Variants in CDH13 observed in about 807,000 individuals in gnomAD.
CDH13 encodes cadherin 13, also known as cadherin-13.
CDH13 carries 24 observed loss-of-function variants against 63.8 expected under a neutral mutation model. That is an observed-to-expected ratio of 0.38 (90% CI 0.27 to 0.53). The LOEUF (loss-of-function observed/expected upper bound fraction) is 0.53. Among genes scored for constraint, CDH13 ranks in the 20% least tolerant of loss-of-function variants. CDH13 has a pLI of 0.85. For missense variants in CDH13, 1,049 were observed against 903.1 expected, an observed-to-expected ratio of 1.16 and a Z score of -2.07; for synonymous variants, 503 against 355.3, an observed-to-expected ratio of 1.42 and a Z score of -4.67.
chr16:83,563,636 C>G (rs953316941), intron 7 of CDH13, among the ~76,000 whole-genome samples: 5 of 152,106 alleles, frequency 3.3e-5, no homozygotes, highest in African/African-American at 9.7e-5. Context: ...GTGCAAGTTT[C>G]CTCTAGAAAC....
intron 1 of CDH13, among the ~76,000 whole-genome samples, chr16:82,747,950 G>C (rs1277378391): frequency 2.0e-5 from 3 of 152,192 alleles, no homozygotes; most frequent in Non-Finnish European, 4.4e-5. Flanking sequence ...CACAATTTTA[G>C]ATAGTTGATA....
intron 1 of CDH13, among the ~76,000 whole-genome samples, chr16:82,806,123 C>G (rs551152432): frequency 6.6e-6 from 1 of 152,138 alleles, no homozygotes; most frequent in Non-Finnish European, 1.5e-5. Context: ...GTTTGCCAGC[C>G]TTCTCTCCAC....
chr16:83,755,436 C>T (rs959136625), intron 11 of CDH13, among the ~76,000 whole-genome samples: 1 of 151,992 alleles, frequency 6.6e-6, no homozygotes, highest in Admixed American at 6.6e-5. Flanking sequence ...AGACATTCTC[C>T]CTATTAAATC....
intron 8 of CDH13, among the ~76,000 whole-genome samples, chr16:83,608,660 ATTTTTTT>A (rs754678790): frequency 1.0e-4 from 11 of 109,920 alleles, no homozygotes; most frequent in African/African-American, 1.9e-4. Context: ...TAATTTTTGT[ATTTTTTT>A]TTTTTTTTTT....
chr16:82,970,621 A>C (rs541320633), intron 2 of CDH13, among the ~76,000 whole-genome samples: 2 of 117,224 alleles, frequency 1.7e-5, no homozygotes, highest in South Asian at 4.8e-4. Context: ...GGATGGTCTC[A>C]ATCTCCTGAC....
chr16:83,006,916 G>GTGTGTTTTTTTTTTTTT, intron 2 of CDH13, among the ~76,000 whole-genome samples: 1 of 120,378 alleles, frequency 8.3e-6, no homozygotes, highest in African/African-American at 3.0e-5. Flanking sequence ...TTGTTTGTTT[G>GTGTGTTTTTTTTTTTTT]TTTGTTTGTT....
chr16:83,267,668 C>A (rs947190697), intron 5 of CDH13, among the ~76,000 whole-genome samples: 6 of 152,174 alleles, frequency 3.9e-5, no homozygotes, highest in Non-Finnish European at 8.8e-5. Context: ...GCTCACTCAT[C>A]ATATGATGCC....
chr16:82,843,771 C>T (rs186824700), intron 1 of CDH13, among the ~76,000 whole-genome samples: 10 of 152,296 alleles, frequency 6.6e-5, no homozygotes, highest in African/African-American at 2.4e-4. Flanking sequence ...ATAAAATGTT[C>T]CACTTTACAG....
At chr16:82,924,465 G>A (rs535592223) in intron 2 of CDH13, among the ~76,000 whole-genome samples, 14 of 152,274 alleles carry the variant, frequency 9.2e-5, no homozygotes, top group South Asian at 6.2e-4. Context: ...TGGTGGTTGC[G>A]GTTTTCGGGC....
At chr16:83,618,080 T>C (rs16961043) in intron 8 of CDH13, among the ~76,000 whole-genome samples, 21,502 of 152,144 alleles carry the variant, frequency 0.14, 1,824 homozygotes, top group East Asian at 0.25. Context: ...AATGAATAAA[T>C]GGTCGATGCT....
At chr16:83,486,017 A>G (rs114279966) in intron 6 of CDH13, among the ~76,000 whole-genome samples, 246 of 152,210 alleles carry the variant, frequency 1.6e-3, no homozygotes, top group African/African-American at 5.9e-3. Flanking sequence ...ATGACACACA[A>G]CTGTAATCCC....
chr16:82,986,927 A>C (rs979792860), intron 2 of CDH13, among the ~76,000 whole-genome samples: 22 of 152,198 alleles, frequency 1.4e-4, no homozygotes, highest in African/African-American at 5.3e-4. Flanking sequence ...GGGTGAGTTA[A>C]GTCTATGGAA....
intron 6 of CDH13, among the ~76,000 whole-genome samples, chr16:83,462,685 G>A (rs1015462453): frequency 6.6e-6 from 1 of 152,166 alleles, no homozygotes; most frequent in East Asian, 1.9e-4. Flanking sequence ...GAACCTGGAA[G>A]GTGGAGGTTG....
chr16:83,483,577 G>T (rs2073822026), intron 6 of CDH13, among the ~76,000 whole-genome samples: 1 of 151,712 alleles, frequency 6.6e-6, no homozygotes, highest in Non-Finnish European at 1.5e-5. Context: ...ATTAAATAGG[G>T]CACAAATCCA....
intron 4 of CDH13, among the ~76,000 whole-genome samples, chr16:83,169,078 A>T (rs1284770045): frequency 6.6e-6 from 1 of 152,154 alleles, no homozygotes; most frequent in South Asian, 2.1e-4. Flanking sequence ...ATTAAAACAT[A>T]ATTATCAAAC....
intron 4 of CDH13, among the ~76,000 whole-genome samples, chr16:83,151,917 G>C (rs928748784): frequency 6.6e-6 from 1 of 151,686 alleles, no homozygotes; most frequent in African/African-American, 2.4e-5. Context: ...AGCCAAGATC[G>C]CGCCATTGCG....
intron 1 of CDH13, among the ~76,000 whole-genome samples, chr16:82,638,001 A>C (rs559415907): frequency 7.3e-4 from 111 of 152,334 alleles, no homozygotes; most frequent in South Asian, 2.1e-3. Flanking sequence ...AATAATTACA[A>C]ATGTGGTAAT....
intron 1 of CDH13, among the ~76,000 whole-genome samples, chr16:82,851,481 T>TG (rs1372277906): frequency 6.6e-6 from 1 of 150,544 alleles, no homozygotes; most frequent in African/African-American, 2.4e-5. Flanking sequence ...AAAGCAACAA[T>TG]GGGACCGACG....
At chr16:83,372,122 C>T (rs569883909) in intron 6 of CDH13, among the ~76,000 whole-genome samples, 15 of 152,304 alleles carry the variant, frequency 9.8e-5, no homozygotes, top group African/African-American at 3.4e-4. Context: ...CTGTACTACG[C>T]CTTTCAGATG....
Sources: gnomAD v4.1 joint callset for allele counts (sites outside exome capture counted in the v4.1 genomes callset) on GRCh38, gnomAD v4.1.1 for gene constraint, MANE v1.5 for transcripts, NCBI Gene and HGNC (gene_info 2026-07-23, HGNC 2026-07-21) for gene names.